Variants in TLE3 observed in about 807,000 individuals in gnomAD.
The protein encoded by TLE3 is TLE family member 3, transcriptional corepressor.
TLE3 carries 14 observed loss-of-function variants against 93.0 expected under a neutral mutation model. The observed-to-expected ratio is 0.15, with a 90% CI of 0.10 to 0.24. TLE3 has a LOEUF of 0.24. TLE3 is among the 10% of genes least tolerant of loss of function. The pLI is 1.00. For missense variants in TLE3, 693 were observed against 1,046.6 expected (o/e 0.66, Z 4.66); for synonymous variants, 451 against 425.0 (o/e 1.06, Z -0.75).
At chr15:70,094,961 A>T (rs1178576540) in intron 3 of TLE3, among the ~76,000 whole-genome samples, 1 of 152,242 alleles carries the variant, frequency 6.6e-6, no homozygotes, top group Non-Finnish European at 1.5e-5. Flanking sequence ...CAGTGCAGGG[A>T]GCCGTGCCCT....
intron 1 of TLE3, chr15:70,096,480 C>A (rs2058568343): frequency 8.6e-7 from 1 of 1,159,510 alleles, no homozygotes; most frequent in South Asian, 1.5e-5. Flanking sequence ...GGGCCTCCCT[C>A]TCCCCAGTAA....
At chr15:70,094,633 A>G in intron 3 of TLE3, 57 bp from the exon 4 acceptor site, 1 of 1,343,532 alleles carries the variant, frequency 7.4e-7, no homozygotes, top group Non-Finnish European at 1.0e-6. Flanking sequence ...TCATTTTTCA[A>G]AATCAGTTTT....
intron 9 of TLE3, 115 bp downstream of exon 9, chr15:70,060,415 G>GC: frequency 7.1e-7 from 1 of 1,404,794 alleles, no homozygotes; most frequent in African/African-American, 1.4e-5. Flanking sequence ...GCCAACCTGT[G>GC]CTTCTCTGAC....
intron 4 of TLE3, among the ~76,000 whole-genome samples, chr15:70,078,242 G>C (rs2057549233): frequency 6.6e-6 from 1 of 152,102 alleles, no homozygotes; most frequent in South Asian, 2.1e-4. Context: ...GTAGGAATGG[G>C]GAATGAAGCA....
Position 70,097,194 on chromosome 15 carries a change from C to T in TLE3, c.-396G>A. On this transcript the variant is annotated 5_prime_UTR_variant, in exon 1 of 20. Coordinates refer to ENST00000451782, the MANE Select transcript of TLE3 (RefSeq NM_001105192.3). Reference sequence around the variant, plus strand: ...GGCCGGGGGCCCCTCCTGGGGCGAGCTCGGGCCCCCTCCGGGTCACTCAGC... The same window carrying T: ...GGCCGGGGGCCCCTCCTGGGGCGAGTTCGGGCCCCCTCCGGGTCACTCAGC... The T allele has an allele frequency of 2.4e-6, 1 of 409,762 alleles. No individual in the cohort carries two copies. Among genetic ancestry groups the T allele is most frequent in the Non-Finnish European group, 4.3e-6 (1 of 235,172 alleles). The allele number at this position is 409,762 out of a possible 1,614,324, so 25.4% of individuals were successfully genotyped here.
intron 14 of TLE3, chr15:70,056,043 G>A: frequency 1.8e-6 from 1 of 569,896 alleles, no homozygotes; most frequent in Non-Finnish European, 3.2e-6. Flanking sequence ...CCAGCCCAGT[G>A]GCCATGTACT....
In TLE3 at chr15:70,066,202, G is replaced by C; in HGVS notation, c.389C>G (p.Ala130Gly). The change falls in exon 7 of 20, where the codon GCG becomes GGG. Residue 130 changes from alanine to glycine, a missense_variant. Around this residue, in one of 4 missense-constraint regions of TLE3, gnomAD observed 104 missense variants for 173.8 expected, o/e 0.60. Coordinates refer to ENST00000451782, the MANE Select transcript of TLE3 (RefSeq NM_001105192.3). ...NAIIGQQQLQ[A>G]QHLSHATHGP... is the part of the protein sequence containing the mutation. ...GTGTGTGGCATGGGAGAGGTGCTGC[G>C]CCTGGAGCTGCTGCTGCTGCAATGA... is the stretch of plus-strand genomic sequence containing the variant. 6.5e-7 allele frequency: 1 copy of C among 1,534,258 alleles called. No individual in the cohort carries two copies. The highest frequency in any genetic ancestry group is 1.3e-5 in the South Asian group (1 of 78,220).
intron 9 of TLE3, 37 bp downstream of exon 9, chr15:70,060,493 C>G (rs1461937565): frequency 1.9e-6 from 3 of 1,611,694 alleles, no homozygotes; most frequent in Non-Finnish European, 2.5e-6. Context: ...CCCTACCCAA[C>G]AGAAACCCCA....
At chr15:70,055,515 T>C (rs186306905) in intron 14 of TLE3, 809 of 518,112 alleles carry the variant, frequency 1.6e-3, no homozygotes, top group Non-Finnish European at 2.3e-3. Flanking sequence ...CACCCAGTTA[T>C]ATATCCTTGC....
intron 6 of TLE3, among the ~76,000 whole-genome samples, chr15:70,073,052 A>G (rs1254592373): frequency 6.6e-6 from 1 of 152,196 alleles, no homozygotes; most frequent in African/African-American, 2.4e-5. Flanking sequence ...AGCAGCACTG[A>G]GAAGTGTCCC....
rs766991545 is a variant in TLE3, at chr15:70,095,602, C to G, written c.165G>C (p.Thr55=). 6.4e-7 allele frequency: 1 copy of G among 1,551,468 alleles called. No individual in the cohort carries two copies. Among genetic ancestry groups the G allele is most frequent in the African/African-American group, 1.4e-5 (1 of 73,064 alleles). ...CCATCACATAATGGCGCTGCATCTC[C>G]GTCTTCTCGTTTGCCAGCTTGTCGT... ...VEYDKLANEK[T]EMQRHYVMYY... Residue 55 remains threonine, a synonymous_variant, in exon 3 of 20, where the codon ACG becomes ACC. Coordinates refer to ENST00000451782, the MANE Select transcript of TLE3 (RefSeq NM_001105192.3).
intron 9 of TLE3, among the ~76,000 whole-genome samples, chr15:70,059,860 T>A (rs1595887128): frequency 6.6e-6 from 1 of 152,316 alleles, no homozygotes; most frequent in East Asian, 1.9e-4. Context: ...TTCCCACCCA[T>A]CTGTGTGGGA....
Position 70,095,817 on chromosome 15 carries a change from GATGTGAAACA to G in TLE3, c.126-186_126-177del, listed in dbSNP as rs964130825. The G allele has an allele frequency of 4.0e-6, 3 of 757,372 alleles. No homozygotes were observed. The Admixed American group carries it at 9.0e-5, about 23-fold the overall frequency. The allele number at this position is 757,372 out of a possible 1,614,324, so 46.9% of individuals were successfully genotyped here. On this transcript the variant is annotated intron_variant, in intron 2 of 19. Coordinates refer to ENST00000451782, the MANE Select transcript of TLE3 (RefSeq NM_001105192.3). ...TTTGGGTCCCCGCCGTGGGGAGGGG[GATGTGAAACA>G]ATTCGAAACTTCCCGCGAGCCAAAG...
chr15:70,059,769 C>T (rs576211896), intron 9 of TLE3, among the ~76,000 whole-genome samples: 10 of 152,370 alleles, frequency 6.6e-5, no homozygotes, highest in Admixed American at 6.5e-4. Flanking sequence ...CCTTCTGCTT[C>T]TCTCTGAAGC....
At chr15:70,055,963 G>C (rs2055984022) in intron 14 of TLE3, 2 of 431,044 alleles carry the variant, frequency 4.6e-6, no homozygotes, top group Admixed American at 7.4e-5. Context: ...TTCCCAGCAG[G>C]TCGAACCCAA....
chr15:70,092,850 G>A (rs2058368161), intron 4 of TLE3, among the ~76,000 whole-genome samples: 3 of 152,156 alleles, frequency 2.0e-5, no homozygotes, highest in Non-Finnish European at 2.9e-5. Flanking sequence ...AACATGCAAC[G>A]AGACATTACA....
chr15:70,064,525 G>C, intron 7 of TLE3, 55 bp from the exon 8 acceptor site: 1 of 1,610,770 alleles, frequency 6.2e-7, no homozygotes, highest in Non-Finnish European at 8.5e-7. Context: ...AAAACAAAAA[G>C]ACAAAAAAGA....
chr15:70,071,193 G>C (rs868772764), intron 6 of TLE3, among the ~76,000 whole-genome samples: 1 of 152,098 alleles, frequency 6.6e-6, no homozygotes, highest in Non-Finnish European at 1.5e-5. Flanking sequence ...TTCCCTCCTC[G>C]TGCTCAGGAA....
chr15:70,094,432 G>T, intron 4 of TLE3, 100 bp downstream of exon 4: 1 of 926,634 alleles, frequency 1.1e-6, no homozygotes, highest in Non-Finnish European at 1.7e-6. Flanking sequence ...GGGAGGAATC[G>T]AAGAAGCAGG....
Sources: gnomAD v4.1 joint callset for allele counts (sites outside exome capture counted in the v4.1 genomes callset) on GRCh38, gnomAD v4.1.1 for gene constraint, gnomAD v4.1.1 regional missense constraint, MANE v1.5 for transcripts, NCBI Gene and HGNC (gene_info 2026-07-23, HGNC 2026-07-21) for gene names.